Variants in CSMD3 observed in about 807,000 individuals in gnomAD.
The protein encoded by CSMD3 is CUB and sushi domain-containing protein 3.
CSMD3 carries 177 observed loss-of-function variants against 435.2 expected under a neutral mutation model. The ratio of observed to expected loss-of-function variants is 0.41; its 90% confidence interval spans 0.36 to 0.46. CSMD3 has a LOEUF of 0.46. Among genes scored for constraint, CSMD3 ranks in the 20% least tolerant of loss-of-function variants. The pLI, the probability that CSMD3 is intolerant of heterozygous loss-of-function variation, is 0.34. For missense variants in CSMD3, 4,265 were observed against 4,504.6 expected (o/e 0.95, Z 1.52); for synonymous variants, 1,656 against 1,520.5 (o/e 1.09, Z -2.07).
chr8:113,149,126 G>A (rs1305359341), intron 4 of CSMD3, among the ~76,000 whole-genome samples: 2 of 151,684 alleles, frequency 1.3e-5, no homozygotes, highest in Non-Finnish European at 2.9e-5. Flanking sequence ...ACAAAATTTA[G>A]GAAAGAGAGG....
At chr8:113,064,416 CA>C (rs2088761742) in intron 5 of CSMD3, among the ~76,000 whole-genome samples, 2 of 151,904 alleles carry the variant, frequency 1.3e-5, no homozygotes, top group Admixed American at 6.6e-5. Flanking sequence ...GTTCACAGAG[CA>C]AGCAAATCAT....
chr8:112,666,218 A>G, intron 17 of CSMD3, 59 bp downstream of exon 17: 1 of 1,281,950 alleles, frequency 7.8e-7, no homozygotes, highest in Non-Finnish European at 1.1e-6. Context: ...GCAAAAGAGA[A>G]TGTCAACTAA....
At chr8:112,279,052 CAACAAA>C (rs1433727482) in intron 59 of CSMD3, among the ~76,000 whole-genome samples, 3 of 141,298 alleles carry the variant, frequency 2.1e-5, no homozygotes, top group Non-Finnish European at 4.7e-5. Flanking sequence ...ACAACAACAA[CAACAAA>C]ACACTAGGAT....
intron 12 of CSMD3, among the ~76,000 whole-genome samples, chr8:112,819,623 T>C (rs572138935): frequency 6.6e-6 from 1 of 152,102 alleles, no homozygotes; most frequent in Non-Finnish European, 1.5e-5. Flanking sequence ...GAAAAGAGAG[T>C]TACATTTTCA....
At chr8:112,952,597 T>G (rs137937782) in intron 8 of CSMD3, among the ~76,000 whole-genome samples, 125 of 151,618 alleles carry the variant, frequency 8.2e-4, no homozygotes, top group African/African-American at 2.7e-3. Context: ...TATTAAATAC[T>G]TTAGAAACAA....
chr8:112,829,751 A>C lies in CSMD3; in HGVS notation c.1794T>G (p.Ile598Met), dbSNP rs2132477417. ...QINFEEFDLE[I>M]GYDTLTIGDG... ...CGCCAATTGTCAAGGTATCATAGCC[A>C]ATCTCCAGATCAAATTCTTCAAAAT... The change falls in exon 12 of 71, where the codon ATT becomes ATG. Residue 598 changes from isoleucine to methionine, a missense_variant. By Grantham distance (10) the Ile-to-Met change is conservative. Transcript: ENST00000297405. 2 of 1,613,130 alleles carry C rather than the reference A, an allele frequency of 1.2e-6. No homozygotes were observed. Among genetic ancestry groups the C allele is most frequent in the Non-Finnish European group, 1.7e-6 (2 of 1,179,188 alleles).
intron 1 of CSMD3, among the ~76,000 whole-genome samples, chr8:113,417,187 A>G (rs184377245): frequency 2.0e-5 from 3 of 152,126 alleles, no homozygotes; most frequent in African/African-American, 7.2e-5. Flanking sequence ...CTCATGCCCA[A>G]GAAAAAAGAT....
chr8:113,076,412 G>C (rs1380556770), intron 5 of CSMD3, among the ~76,000 whole-genome samples: 1 of 151,578 alleles, frequency 6.6e-6, no homozygotes, highest in Non-Finnish European at 1.5e-5. Context: ...AAAGAAAGAG[G>C]GTAATGCCAT....
intron 32 of CSMD3, among the ~76,000 whole-genome samples, chr8:112,452,979 G>A (rs116512074): frequency 0.01 from 1,583 of 152,202 alleles, 31 homozygotes; most frequent in African/African-American, 0.036. Flanking sequence ...TTAATTGAGC[G>A]TTTTGCAAAT....
At chr8:113,207,583 A>G (rs1250678185) in intron 3 of CSMD3, among the ~76,000 whole-genome samples, 1 of 151,896 alleles carries the variant, frequency 6.6e-6, no homozygotes. Context: ...GGATTTCACC[A>G]TATTGGCCAG....
At chr8:112,705,507 C>T (rs569872898) in intron 13 of CSMD3, among the ~76,000 whole-genome samples, 1 of 152,086 alleles carries the variant, frequency 6.6e-6, no homozygotes, top group South Asian at 2.1e-4. Context: ...CTCTCATGTA[C>T]ATTTAAAATT....
At chr8:112,697,033 T>C (rs2076272814) in intron 13 of CSMD3, among the ~76,000 whole-genome samples, 1 of 150,764 alleles carries the variant, frequency 6.6e-6, no homozygotes, top group African/African-American at 2.5e-5. Flanking sequence ...TGAGATACCA[T>C]CTCACACCAG....
chr8:112,225,472 G>C (rs1477366439), intron 70 of CSMD3, among the ~76,000 whole-genome samples: 1 of 152,056 alleles, frequency 6.6e-6, no homozygotes, highest in Non-Finnish European at 1.5e-5. Flanking sequence ...ATGATGAAAA[G>C]GAAAATGGTT....
intron 1 of CSMD3, among the ~76,000 whole-genome samples, chr8:113,432,036 T>C (rs1684492537): frequency 6.6e-6 from 1 of 152,186 alleles, no homozygotes. Context: ...CTTTTTCTCC[T>C]TGAAGGATCT....
chr8:112,314,203 G>T, intron 48 of CSMD3, 151 bp from the exon 49 acceptor site: 1 of 745,600 alleles, frequency 1.3e-6, no homozygotes, highest in Non-Finnish European at 2.2e-6. Context: ...TAAAATGTTT[G>T]TTTTAAGCAT....
At chr8:113,121,679 T>C (rs2090990107) in intron 4 of CSMD3, among the ~76,000 whole-genome samples, 1 of 152,084 alleles carries the variant, frequency 6.6e-6, no homozygotes, top group East Asian at 1.9e-4. Flanking sequence ...TATCTAAAAT[T>C]GTTGGTTAAA....
At position 112,383,581 on chromosome 8, in the gene CSMD3, A is replaced by G. The variant is rs1266407691; in HGVS notation, c.6017T>C (p.Leu2006Pro). 1 of 1,572,352 alleles carries G rather than the reference A, an allele frequency of 6.4e-7. No individual in the cohort carries two copies. The highest frequency in any genetic ancestry group is 1.7e-5 in the Admixed American group (1 of 59,962). ...CTCTTATTTACCTGAATAGCTTCCA[A>G]GTCTTGGAGCATTGTTGTCTCCCCC... ...YDGGDNNAPR[L>P]GSYSGTTIPH... The change falls in exon 37 of 71, where the codon CTT (leucine) becomes CCT (proline). Residue 2006 changes from leucine (L) to proline (P), a missense_variant. This residue lies in a region of CSMD3 where 3,255 missense variants were observed against 3,380.2 expected (regional missense o/e 0.96). Coordinates refer to ENST00000297405, the MANE Select transcript of CSMD3 (RefSeq NM_198123.2).
At chr8:112,501,532 A>G (rs191780639) in intron 30 of CSMD3, among the ~76,000 whole-genome samples, 4 of 152,350 alleles carry the variant, frequency 2.6e-5, no homozygotes, top group African/African-American at 7.2e-5. Context: ...CAAGTTTAAC[A>G]AAAGCACTGG....
At chr8:113,004,722 C>A (rs1363247498) in intron 6 of CSMD3, among the ~76,000 whole-genome samples, 1 of 151,742 alleles carries the variant, frequency 6.6e-6, no homozygotes, top group Admixed American at 6.6e-5. Flanking sequence ...TTTAGCACTT[C>A]TTATGCAGAA....
Sources: gnomAD v4.1 joint callset for allele counts (sites outside exome capture counted in the v4.1 genomes callset) on GRCh38, gnomAD v4.1.1 for gene constraint, gnomAD v4.1.1 regional missense constraint, MANE v1.5 for transcripts, NCBI Gene and HGNC (gene_info 2026-07-23, HGNC 2026-07-21) for gene names.